SEMA5A: variants seen among roughly 807,000 people sequenced by gnomAD.
SEMA5A encodes the protein semaphorin 5A, also known as semaphorin-5A.
In SEMA5A, 55 loss-of-function variants were observed where a neutral mutation model predicts 135.5. That is an observed-to-expected ratio of 0.41 (90% CI 0.33 to 0.51). The LOEUF (loss-of-function observed/expected upper bound fraction) is 0.51, where lower values mean the gene tolerates loss of function less well. Among genes scored for constraint, SEMA5A ranks in the 20% least tolerant of loss-of-function variants. SEMA5A has a pLI of 0.37. For synonymous variants in SEMA5A, 580 were observed against 546.5 expected, an observed-to-expected ratio of 1.06 and a Z score of -0.85; for missense variants, 1,290 against 1,419.9, an observed-to-expected ratio of 0.91 and a Z score of 1.47.
intron 16 of SEMA5A, among the ~76,000 whole-genome samples, chr5:9,100,827 C>G (rs148633322): frequency 7.8e-4 from 119 of 152,202 alleles, no homozygotes; most frequent in Non-Finnish European, 1.2e-3. Flanking sequence ...CAGTTCAGGG[C>G]TAGGGTGGCA....
intron 21 of SEMA5A, among the ~76,000 whole-genome samples, chr5:9,049,351 G>A (rs1240846580): frequency 6.6e-6 from 1 of 152,034 alleles, no homozygotes; most frequent in Non-Finnish European, 1.5e-5. Context: ...TGGTACAGAT[G>A]GCATTTCGTC....
At chr5:9,168,618 A>G (rs1481685798) in intron 11 of SEMA5A, among the ~76,000 whole-genome samples, 6 of 152,218 alleles carry the variant, frequency 3.9e-5, no homozygotes, top group Non-Finnish European at 8.8e-5. Flanking sequence ...GAAAAAACCA[A>G]TGGGCAGGGA....
At chr5:9,475,934 G>A (rs1374675344) in intron 1 of SEMA5A, among the ~76,000 whole-genome samples, 2 of 152,122 alleles carry the variant, frequency 1.3e-5, no homozygotes, top group Admixed American at 1.3e-4. Context: ...ATTTTACAGA[G>A]GTAGCTAATG....
intron 4 of SEMA5A, among the ~76,000 whole-genome samples, chr5:9,328,305 G>A (rs118095433): frequency 1.1e-3 from 173 of 152,256 alleles, no homozygotes; most frequent in East Asian, 8.9e-3. Flanking sequence ...GCCATGCCTC[G>A]CTCCAAATTC....
intron 2 of SEMA5A, among the ~76,000 whole-genome samples, chr5:9,429,913 G>A (rs1359100154): frequency 6.6e-6 from 1 of 152,194 alleles, no homozygotes; most frequent in Non-Finnish European, 1.5e-5. Context: ...GCTGCTGGAG[G>A]ATTCTCAGCA....
intron 11 of SEMA5A, among the ~76,000 whole-genome samples, chr5:9,181,128 C>A (rs563868085): frequency 2.6e-5 from 4 of 152,222 alleles, no homozygotes; most frequent in Non-Finnish European, 5.9e-5. Flanking sequence ...CAGGGCATCT[C>A]CGCTTTTTTC....
intron 8 of SEMA5A, among the ~76,000 whole-genome samples, chr5:9,212,133 T>C (rs1267977739): frequency 1.3e-5 from 2 of 152,236 alleles, no homozygotes; most frequent in Non-Finnish European, 2.9e-5. Context: ...GTTTTTCCTC[T>C]GTGTGCAAGC....
At position 9,226,974 on chromosome 5, in the gene SEMA5A, G is replaced by A; in HGVS notation, c.334-7C>T. On this transcript the variant is annotated splice_polypyrimidine_tract_variant and splice_region_variant and intron_variant, in intron 6 of 22. Coordinates refer to ENST00000382496, the MANE Select transcript of SEMA5A (RefSeq NM_003966.3). The stretch of plus-strand genomic sequence containing the variant: ...TGTAGTTCTGACATTCCTCCTGAGG[G>A]AAAATAAATAAATTAATTAAAAATA... The A allele has an allele frequency of 6.9e-7, 1 of 1,449,330 alleles. No individual in the cohort carries two copies. Among genetic ancestry groups the A allele is most frequent in the Non-Finnish European group, 9.2e-7 (1 of 1,089,508 alleles). 89.8% of individuals were successfully genotyped at this position (1,449,330 alleles called of 1,614,324 possible).
chr5:9,502,327 TC>T (rs1735642150), intron 1 of SEMA5A, among the ~76,000 whole-genome samples: 1 of 152,158 alleles, frequency 6.6e-6, no homozygotes, highest in Non-Finnish European at 1.5e-5. Flanking sequence ...ATGATGAAGT[TC>T]CCTATATATT....
chr5:9,122,677 A>C lies in SEMA5A; in HGVS notation c.1760T>G (p.Met587Arg). ...CGGWQCEGPG[M>R]EIANCSRNGG... Reference sequence around the variant, plus strand: ...ACACCTGGAACAGTTGGCGATCTCCATGCCAGGGCCCTCGCACTGCCAGCC... The same window carrying C: ...ACACCTGGAACAGTTGGCGATCTCCCTGCCAGGGCCCTCGCACTGCCAGCC... The change falls in exon 14 of 23, where the codon ATG (methionine) becomes AGG (arginine). Residue 587 changes from methionine to arginine, a missense_variant. Around this residue, in one of 3 missense-constraint regions of SEMA5A, gnomAD observed 1,029 missense variants for 1,086.6 expected, o/e 0.95. Transcript: ENST00000382496. 1 of 1,605,328 alleles carries C rather than the reference A, an allele frequency of 6.2e-7. No individual in the cohort carries two copies. Among genetic ancestry groups the C allele is most frequent in the Non-Finnish European group, 8.5e-7 (1 of 1,174,254 alleles).
intron 11 of SEMA5A, among the ~76,000 whole-genome samples, chr5:9,172,143 C>T (rs1282666863): frequency 1.3e-5 from 2 of 152,140 alleles, no homozygotes; most frequent in Non-Finnish European, 2.9e-5. Flanking sequence ...GACAAGCTGC[C>T]AGGTGAGTCA....
At chr5:9,271,484 CACAGAAG>C (rs1749971405) in intron 5 of SEMA5A, among the ~76,000 whole-genome samples, 1 of 152,046 alleles carries the variant, frequency 6.6e-6, no homozygotes. Flanking sequence ...GTTTGGAGGG[CACAGAAG>C]AAGATAGGAA....
chr5:9,404,536 T>C (rs16882671), intron 2 of SEMA5A, among the ~76,000 whole-genome samples: 8,191 of 152,314 alleles, frequency 0.054, 323 homozygotes, highest in African/African-American at 0.11. Flanking sequence ...AAATCATTTA[T>C]AAACTTGTTA....
chr5:9,183,305 G>C (rs1014912709), intron 11 of SEMA5A, among the ~76,000 whole-genome samples: 2 of 152,132 alleles, frequency 1.3e-5, no homozygotes, highest in East Asian at 1.9e-4. Flanking sequence ...CACCAGTTGC[G>C]TTCTGCCCAT....
chr5:9,107,775 T>C (rs7731508), intron 16 of SEMA5A, among the ~76,000 whole-genome samples: 17,467 of 152,134 alleles, frequency 0.11, 1,548 homozygotes, highest in East Asian at 0.32. Context: ...GAGCACTCAG[T>C]GGTTGCAGAA....
At chr5:9,419,626 GC>G (rs746932382) in intron 2 of SEMA5A, among the ~76,000 whole-genome samples, 11 of 152,132 alleles carry the variant, frequency 7.2e-5, no homozygotes, top group Non-Finnish European at 1.3e-4. Context: ...TCACAGGTGG[GC>G]CCTGATAAGG....
intron 12 of SEMA5A, among the ~76,000 whole-genome samples, chr5:9,141,770 T>C (rs979706214): frequency 6.6e-6 from 1 of 152,216 alleles, no homozygotes; most frequent in South Asian, 2.1e-4. Flanking sequence ...AGTTTATTCA[T>C]TAAAATATTT....
chr5:9,496,633 C>T (rs955213315), intron 1 of SEMA5A, among the ~76,000 whole-genome samples: 6 of 152,032 alleles, frequency 3.9e-5, no homozygotes, highest in African/African-American at 1.5e-4. Context: ...TGGGATGTGG[C>T]AGGGTCAAAA....
intron 3 of SEMA5A, among the ~76,000 whole-genome samples, chr5:9,353,245 G>GAA (rs1754264764): frequency 2.0e-4 from 28 of 138,184 alleles, no homozygotes; most frequent in African/African-American, 6.9e-4. Flanking sequence ...GGAAGGAAAG[G>GAA]GAAGGGAAGG....
Sources: gnomAD v4.1 joint callset for allele counts (sites outside exome capture counted in the v4.1 genomes callset) on GRCh38, gnomAD v4.1.1 for gene constraint, gnomAD v4.1.1 regional missense constraint, MANE v1.5 for transcripts, NCBI Gene and HGNC (gene_info 2026-07-23, HGNC 2026-07-21) for gene names.